The following SOBP variants were observed in gnomAD, a reference collection of about 807,000 sequenced individuals.
The protein encoded by SOBP is sine oculis binding protein homolog, also known as sine oculis-binding protein homolog.
Under a neutral mutation model 53.6 loss-of-function variants are expected in SOBP, and 4 were observed. That is an observed-to-expected ratio of 0.07 (90% CI 0.04 to 0.17). The LOEUF (loss-of-function observed/expected upper bound fraction) is 0.17, where lower values mean the gene tolerates loss of function less well. Among genes scored for constraint, SOBP ranks in the 10% least tolerant of loss-of-function variants. SOBP has a pLI of 1.00. For missense variants in SOBP, 1,088 were observed against 1,204.7 expected, an observed-to-expected ratio of 0.90 and a Z score of 1.43; for synonymous variants, 584 against 522.6, an observed-to-expected ratio of 1.12 and a Z score of -1.60.
At chr6:107,520,172 A>G (rs532259187) in intron 3 of SOBP, among the ~76,000 whole-genome samples, 52 of 152,300 alleles carry the variant, frequency 3.4e-4, no homozygotes, top group Non-Finnish European at 6.2e-4. Context: ...GGTAAGGAAA[A>G]ACAGTGGTGG....
At chr6:107,628,702 A>C (rs1185736524) in intron 5 of SOBP, among the ~76,000 whole-genome samples, 1 of 152,228 alleles carries the variant, frequency 6.6e-6, no homozygotes, top group African/African-American at 2.4e-5. Flanking sequence ...TAAAGCCCAG[A>C]TTCATGCCAA....
chr6:107,547,494 C>G (rs1784334137), intron 4 of SOBP, among the ~76,000 whole-genome samples: 1 of 152,154 alleles, frequency 6.6e-6, no homozygotes, highest in Non-Finnish European at 1.5e-5. Context: ...TAACGCTGAA[C>G]TTTAAAAGAG....
chr6:107,585,055 A>G (rs961160875), intron 4 of SOBP, among the ~76,000 whole-genome samples: 3 of 152,214 alleles, frequency 2.0e-5, no homozygotes, highest in African/African-American at 4.8e-5. Flanking sequence ...AAGCATATAT[A>G]TCATAGTGCA....
chr6:107,655,594 T>C (rs923492799), intron 6 of SOBP, among the ~76,000 whole-genome samples: 2 of 152,096 alleles, frequency 1.3e-5, no homozygotes, highest in African/African-American at 4.8e-5. Flanking sequence ...CTGCGAAAAA[T>C]AGAGTGTGGT....
At chr6:107,568,858 C>CT (rs1203519187) in intron 4 of SOBP, among the ~76,000 whole-genome samples, 5 of 152,254 alleles carry the variant, frequency 3.3e-5, no homozygotes, top group Non-Finnish European at 7.4e-5. Context: ...CTGAGAGAAA[C>CT]CTTCATGCAT....
chr6:107,553,356 T>C (rs971378077), intron 4 of SOBP, among the ~76,000 whole-genome samples: 1 of 149,522 alleles, frequency 6.7e-6, no homozygotes, highest in Non-Finnish European at 1.5e-5. Flanking sequence ...TGAGACAGAG[T>C]CTCACTGTGT....
chr6:107,538,902 G>C (rs113108536), intron 4 of SOBP, among the ~76,000 whole-genome samples: 4 of 152,360 alleles, frequency 2.6e-5, no homozygotes, highest in African/African-American at 9.6e-5. Flanking sequence ...TTTGGGAGTA[G>C]GGTTAGAGCA....
At chr6:107,503,873 G>A in intron 2 of SOBP, 78 bp downstream of exon 2, 5 of 1,537,232 alleles carry the variant, frequency 3.3e-6, no homozygotes, top group Non-Finnish European at 4.5e-6. Context: ...GTTGCTTTGG[G>A]ACTCAATTGA....
At chr6:107,656,996 T>C (rs9486662) in intron 6 of SOBP, among the ~76,000 whole-genome samples, 100,825 of 151,552 alleles carry the variant, frequency 0.67, 36,539 homozygotes, top group Non-Finnish European at 0.83. Context: ...GAAAAGGTGC[T>C]GTTTTGGGGC....
In SOBP at chr6:107,634,393, C is replaced by G; in HGVS notation, c.1549C>G (p.Leu517Val). 6.2e-7 allele frequency: 1 copy of G among 1,600,234 alleles called. No individual in the cohort carries two copies. Among genetic ancestry groups the G allele is most frequent in the Middle Eastern group, 1.7e-4 (1 of 6,056 alleles). ...MNFGLPSLAP[L>V]VPPPTLLVPY... ...TTTCGGGCTGCCGTCGCTTGCCCCG[C>G]TGGTGCCGCCCCCGACCCTGCTCGT... The change falls in exon 6 of 7, where the codon CTG (leucine) becomes GTG (valine). Residue 517 changes from leucine (L) to valine (V), a missense_variant. Around this residue, in one of 6 missense-constraint regions of SOBP, gnomAD observed 665 missense variants for 629.7 expected, o/e 1.06. Transcript: ENST00000317357. The surrounding 1 kb of genome is among the most constrained non-coding windows in gnomAD (Gnocchi z 4.5).
chr6:107,525,506 G>C (rs540891627), intron 3 of SOBP, among the ~76,000 whole-genome samples: 2 of 152,280 alleles, frequency 1.3e-5, no homozygotes, highest in African/African-American at 4.8e-5. Context: ...ACTTCATTTT[G>C]TTTGAATTTG....
intron 3 of SOBP, among the ~76,000 whole-genome samples, chr6:107,531,867 T>G (rs1026877141): frequency 6.6e-6 from 1 of 152,150 alleles, no homozygotes; most frequent in African/African-American, 2.4e-5. Flanking sequence ...TTTATTCCAT[T>G]GAGGTAAATA....
In SOBP at chr6:107,634,930, G is replaced by T; in HGVS notation, c.2086G>T (p.Gly696Cys). 6.2e-6 allele frequency: 7 copies of T among 1,130,764 alleles called. No individual in the cohort carries two copies. Among genetic ancestry groups the T allele is most frequent in the Non-Finnish European group, 6.5e-6 (6 of 924,730 alleles). 70.0% of individuals were successfully genotyped at this position (1,130,764 alleles called of 1,614,324 possible). Reference sequence around the variant, plus strand: ...CAGGACCTGCGGCGGCTGCAGGGACGGCCACTGCAGCCCGCCCGCCGCCGG... The same window carrying T: ...CAGGACCTGCGGCGGCTGCAGGGACTGCCACTGCAGCCCGCCCGCCGCCGG... Reference protein sequence around the residue: ...ERRTCGGCRDGHCSPPAAGDP... With the variant: ...ERRTCGGCRDCHCSPPAAGDP... Residue 696 changes from glycine (G) to cysteine (C), a missense_variant, in exon 6 of 7, where the codon GGC becomes TGC. Physicochemically the swap from Gly to Cys is radical, Grantham distance 159. Transcript: ENST00000317357. The surrounding 1 kb of genome is among the most constrained non-coding windows in gnomAD (Gnocchi z 4.5).
intron 3 of SOBP, chr6:107,514,552 C>A (rs1006451282): frequency 6.6e-6 from 1 of 152,170 alleles, no homozygotes; most frequent in Admixed American, 6.5e-5. Flanking sequence ...TGTGTTCTAT[C>A]ATTTTTAATG....
intron 1 of SOBP, among the ~76,000 whole-genome samples, chr6:107,492,240 A>G (rs1241612648): frequency 2.6e-5 from 4 of 152,124 alleles, no homozygotes; most frequent in Admixed American, 2.0e-4. Flanking sequence ...ACAGTCCATA[A>G]TAACCATTCT....
In SOBP at chr6:107,634,037, T is replaced by C. The variant is rs1417872942; in HGVS notation, c.1193T>C (p.Phe398Ser). ...CGCGGCCCGGTGCCGCTGCCCATCT[T>C]CATGGAGCAGCAGATCATGCAGCAG... ...TNRGPVPLPI[F>S]MEQQIMQQIR... The change falls in exon 6 of 7, where the codon TTC becomes TCC. Residue 398 changes from phenylalanine (F) to serine (S), a missense_variant. By Grantham distance (155) the Phe-to-Ser change is radical (BLOSUM62 -2). Transcript: ENST00000317357. The surrounding 1 kb of genome is among the most constrained non-coding windows in gnomAD (Gnocchi z 4.5). 6.2e-7 allele frequency: 1 copy of C among 1,610,664 alleles called. No individual in the cohort carries two copies. Among genetic ancestry groups the C allele is most frequent in the African/African-American group, 1.3e-5 (1 of 74,894 alleles).
intron 4 of SOBP, among the ~76,000 whole-genome samples, chr6:107,549,636 A>G (rs758257765): frequency 9.9e-5 from 15 of 151,822 alleles, no homozygotes; most frequent in Non-Finnish European, 2.2e-4. Context: ...TACATTTCTA[A>G]TGTAGTCATT....
At chr6:107,522,822 G>A (rs1783552936) in intron 3 of SOBP, among the ~76,000 whole-genome samples, 1 of 152,096 alleles carries the variant, frequency 6.6e-6, no homozygotes, top group Non-Finnish European at 1.5e-5. Context: ...GGGATTACAA[G>A]CATGAGCCAC....
At chr6:107,495,552 G>T (rs766268083) in intron 1 of SOBP, among the ~76,000 whole-genome samples, 1 of 152,126 alleles carries the variant, frequency 6.6e-6, no homozygotes, top group Non-Finnish European at 1.5e-5. Flanking sequence ...GAGTCTGACA[G>T]ACTCATTCCC....
Sources: gnomAD v4.1 joint callset for allele counts (sites outside exome capture counted in the v4.1 genomes callset) on GRCh38, gnomAD v4.1.1 for gene constraint, gnomAD v4.1.1 regional missense constraint, Gnocchi (gnomAD v3.1) non-coding constraint, MANE v1.5 for transcripts, NCBI Gene and HGNC (gene_info 2026-07-23, HGNC 2026-07-21) for gene names.